The following SEMA6D variants were observed in gnomAD, a reference collection of about 807,000 sequenced individuals.
The protein encoded by SEMA6D is semaphorin 6D.
SEMA6D carries 35 observed loss-of-function variants against 106.6 expected under a neutral mutation model. The ratio of observed to expected loss-of-function variants is 0.33; its 90% CI spans 0.25 to 0.44. The LOEUF is 0.44. Ranked by LOEUF, SEMA6D falls within the 20% of genes least tolerant of loss-of-function variation. The pLI, the probability that SEMA6D is intolerant of heterozygous loss-of-function variation, is 1.00. For synonymous variants in SEMA6D, 499 were observed against 487.7 expected (o/e 1.02, Z -0.31); for missense variants, 1,185 against 1,345.9 (o/e 0.88, Z 1.87).
intron 1 of SEMA6D, among the ~76,000 whole-genome samples, chr15:47,349,504 G>A (rs2038224307): frequency 6.6e-6 from 1 of 152,144 alleles, no homozygotes; most frequent in Admixed American, 6.5e-5. Flanking sequence ...ATATTACCCA[G>A]TGGTTCCCAG....
At chr15:47,710,327 C>T (rs964743326) in intron 4 of SEMA6D, among the ~76,000 whole-genome samples, 2 of 152,106 alleles carry the variant, frequency 1.3e-5, no homozygotes, top group African/African-American at 4.8e-5. Context: ...TGGAAACTGT[C>T]TTCAGAAAAC....
At chr15:47,215,882 C>G (rs1001570473) in intron 1 of SEMA6D, among the ~76,000 whole-genome samples, 6 of 151,864 alleles carry the variant, frequency 4.0e-5, no homozygotes, top group Non-Finnish European at 7.4e-5. Flanking sequence ...ACAGAGAGGT[C>G]GAGGAGCAGT....
chr15:47,745,241 T>C (rs771873442), intron 1 of SEMA6D, among the ~76,000 whole-genome samples: 3 of 152,228 alleles, frequency 2.0e-5, no homozygotes, highest in Non-Finnish European at 4.4e-5. Flanking sequence ...ATTTTTATGG[T>C]GCTTACCATG....
Position 47,494,763 on chromosome 15 carries a change from T to G in SEMA6D, c.-87+24218T>G, listed in dbSNP as rs1372327825. Among the ~76,000 whole-genome samples the G allele has an allele frequency of 5.8e-3, 511 of 88,544 alleles. 24 individuals are homozygous for G. The highest frequency in any genetic ancestry group is 0.027 in the African/African-American group (490 of 18,380). The allele number at this position is 88,544 out of a possible 152,430, so 58.1% of individuals were successfully genotyped here. A position where few individuals can be genotyped will look rare whatever the true frequency, so the allele number is the denominator to read the frequency against. On this transcript the variant is annotated intron_variant, in intron 3 of 19. Coordinates refer to the SEMA6D transcript ENST00000558014. ...GGAGATATATATATATATATATATATATATATATATATATATATATATATA... is the reference window on the plus strand; with the variant it reads ...GGAGATATATATATATATATATATAGATATATATATATATATATATATATA...
At chr15:47,600,338 A>G (rs2076623335) in intron 3 of SEMA6D, among the ~76,000 whole-genome samples, 1 of 152,142 alleles carries the variant, frequency 6.6e-6, no homozygotes, top group Non-Finnish European at 1.5e-5. Flanking sequence ...TCTGAGTGTT[A>G]TACGACTGAA....
At chr15:47,558,673 T>G (rs1566888847) in intron 3 of SEMA6D, among the ~76,000 whole-genome samples, 1 of 152,060 alleles carries the variant, frequency 6.6e-6, no homozygotes, top group African/African-American at 2.4e-5. Context: ...TAACTCTAAA[T>G]TGTGCACTAG....
chr15:47,589,820 G>A (rs1217019064), intron 3 of SEMA6D, among the ~76,000 whole-genome samples: 1 of 152,166 alleles, frequency 6.6e-6, no homozygotes, highest in Non-Finnish European at 1.5e-5. Context: ...AATTGTAGTA[G>A]GTTGAGTAGA....
At position 47,761,194 on chromosome 15, in the gene SEMA6D, A is replaced by G. The variant is rs1452270719; in HGVS notation, c.319A>G (p.Asn107Asp). 1 of 1,613,848 alleles carries G rather than the reference A, an allele frequency of 6.2e-7. No individual in the cohort carries two copies. The highest frequency in any genetic ancestry group is 8.5e-7 in the Non-Finnish European group (1 of 1,179,848). Residue 107 changes from asparagine (N) to aspartate (D), a missense_variant, in exon 5 of 19, where the codon AAC becomes GAC. This residue lies in a region of SEMA6D where 144 missense variants were observed against 138.6 expected (regional missense o/e 1.04). Coordinates refer to ENST00000536845, the MANE Select transcript of SEMA6D (RefSeq NM_001358351.3). ...GCGATCAAGACAACAGGATCGAGAA[A>G]ACTGTGCTATGAAAGGCAAGCATAA... ...TWRSRQQDRE[N>D]CAMKGKHKDE...
chr15:47,733,089 A>C (rs901619191), intron 1 of SEMA6D, among the ~76,000 whole-genome samples: 54 of 152,208 alleles, frequency 3.5e-4, no homozygotes, highest in African/African-American at 1.3e-3. Flanking sequence ...CTACTTCAAA[A>C]AGCTCATTAA....
chr15:47,657,965 C>T (rs1165797927), intron 4 of SEMA6D, among the ~76,000 whole-genome samples: 1 of 151,652 alleles, frequency 6.6e-6, no homozygotes, highest in Non-Finnish European at 1.5e-5. Flanking sequence ...TGGTCTCGAT[C>T]TCCTGACCTC....
chr15:47,309,505 G>A (rs978659251), intron 1 of SEMA6D, among the ~76,000 whole-genome samples: 1 of 152,146 alleles, frequency 6.6e-6, no homozygotes, highest in Non-Finnish European at 1.5e-5. Flanking sequence ...ATTTGGAAAT[G>A]CCGAAGAGAA....
At chr15:47,389,905 T>C (rs147999778) in intron 1 of SEMA6D, among the ~76,000 whole-genome samples, 25 of 152,352 alleles carry the variant, frequency 1.6e-4, no homozygotes, top group African/African-American at 6.0e-4. Flanking sequence ...TATTTTCTCC[T>C]AATGCCCTCT....
intron 4 of SEMA6D, among the ~76,000 whole-genome samples, chr15:47,621,459 T>G (rs1006018463): frequency 2.6e-5 from 4 of 152,122 alleles, no homozygotes; most frequent in Non-Finnish European, 4.4e-5. Context: ...CTTTAGATCT[T>G]CCTTGGCAAG....
At chr15:47,259,762 T>G (rs2033981921) in intron 1 of SEMA6D, among the ~76,000 whole-genome samples, 1 of 152,218 alleles carries the variant, frequency 6.6e-6, no homozygotes, top group Non-Finnish European at 1.5e-5. Flanking sequence ...TGTGCAAATA[T>G]TCTTTCAACT....
chr15:47,562,343 A>G (rs947158061), intron 3 of SEMA6D, among the ~76,000 whole-genome samples: 1 of 152,100 alleles, frequency 6.6e-6, no homozygotes. Context: ...TTAGACTATA[A>G]AAATTCTAGG....
intron 3 of SEMA6D, among the ~76,000 whole-genome samples, chr15:47,505,744 A>C (rs976293140): frequency 1.8e-4 from 28 of 152,190 alleles, no homozygotes; most frequent in African/African-American, 6.5e-4. Context: ...AATAAAGTTA[A>C]TATGGCAAGA....
intron 2 of SEMA6D, among the ~76,000 whole-genome samples, chr15:47,412,962 A>T (rs2040846209): frequency 6.6e-6 from 1 of 152,206 alleles, no homozygotes; most frequent in Non-Finnish European, 1.5e-5. Context: ...TCTGAGGCCG[A>T]TGACAGTGCA....
intron 1 of SEMA6D, among the ~76,000 whole-genome samples, chr15:47,214,499 G>A (rs1038552072): frequency 5.3e-5 from 8 of 152,176 alleles, no homozygotes; most frequent in South Asian, 2.1e-4. Context: ...ACTGAGTTCC[G>A]TGAATGTGTT....
At chr15:47,587,353 A>G (rs2076360561) in intron 3 of SEMA6D, among the ~76,000 whole-genome samples, 1 of 152,152 alleles carries the variant, frequency 6.6e-6, no homozygotes, top group Admixed American at 6.5e-5. Flanking sequence ...TGCTGACTGG[A>G]GGGTCCAAAC....
Sources: allele counts gnomAD v4.1 joint callset (sites outside exome capture counted in the v4.1 genomes callset), GRCh38; gene constraint gnomAD v4.1.1; regional missense constraint gnomAD v4.1.1; transcripts MANE v1.5; gene names NCBI Gene and HGNC (gene_info 2026-07-23, HGNC 2026-07-21).